The following RPS6KA2 variants were observed in gnomAD, a reference collection of about 807,000 sequenced individuals.
RPS6KA2 encodes the protein ribosomal protein S6 kinase A2.
Under a neutral mutation model 91.8 loss-of-function variants are expected in RPS6KA2, and 42 were observed. The observed-to-expected ratio is 0.46, with a 90% CI of 0.36 to 0.59. The LOEUF (loss-of-function observed/expected upper bound fraction) is 0.59. RPS6KA2 is among the 20% of genes least tolerant of loss of function. The pLI is 0.00. For synonymous variants in RPS6KA2, 414 were observed against 393.6 expected (o/e 1.05, Z -0.61); for missense variants, 798 against 978.5 (o/e 0.82, Z 2.46).
At chr6:166,679,573 C>T (rs922735244) in intron 2 of RPS6KA2, among the ~76,000 whole-genome samples, 3 of 152,188 alleles carry the variant, frequency 2.0e-5, no homozygotes, top group Admixed American at 2.0e-4. Context: ...AGAGCTTGAA[C>T]GTGAAAGTGA....
chr6:166,507,798 T>C (rs369263868), intron 5 of RPS6KA2, among the ~76,000 whole-genome samples: 2 of 145,774 alleles, frequency 1.4e-5, no homozygotes, highest in East Asian at 4.1e-4. Context: ...ACCACACACT[T>C]ATCACATGAC....
chr6:166,837,793 A>G (rs1450913979), intron 2 of RPS6KA2, among the ~76,000 whole-genome samples: 9 of 152,236 alleles, frequency 5.9e-5, no homozygotes. Flanking sequence ...GCTGGGCTTC[A>G]TTGCAAACCA....
At chr6:166,831,790 C>CATAGATAGATGATAG (rs754991836) in intron 2 of RPS6KA2, among the ~76,000 whole-genome samples, 4 of 148,550 alleles carry the variant, frequency 2.7e-5, no homozygotes, top group Non-Finnish European at 4.5e-5. Flanking sequence ...ATGATAGATA[C>CATAGATAGATGATAG]ATAGATAGAT....
In RPS6KA2 at chr6:166,641,713, C is replaced by G. The variant is rs1355714283; in HGVS notation, c.124-102929G>C. On this transcript the variant is annotated intron_variant, in intron 2 of 21. Coordinates refer to the RPS6KA2 transcript ENST00000503859. ...CCAGCCTGGGTAAAAGAGTGAGACT[C>G]TGTCACAAAAAAAAAAAAAAAAAAA... 7.1e-5 allele frequency among the ~76,000 whole-genome samples: 3 copies of G among 42,228 alleles called. No homozygotes were observed. The Admixed American group carries it at 1.3e-3, about 19-fold the overall frequency. The allele number at this position is 42,228 out of a possible 152,430, so 27.7% of individuals were successfully genotyped here.
At chr6:166,545,998 C>T (rs968893514) in intron 1 of RPS6KA2, among the ~76,000 whole-genome samples, 6 of 152,150 alleles carry the variant, frequency 3.9e-5, no homozygotes, top group South Asian at 2.1e-4. Flanking sequence ...ATCCTCCAAT[C>T]CTTAACCTCC....
chr6:166,425,921 G>A (rs1370365195), intron 16 of RPS6KA2, among the ~76,000 whole-genome samples: 1 of 152,058 alleles, frequency 6.6e-6, no homozygotes, highest in Non-Finnish European at 1.5e-5. Context: ...GGGATACCCA[G>A]GAATTGAACT....
rs1047831321 is a variant in RPS6KA2, at chr6:166,732,398, G to A, written c.123+125802C>T. 2.6e-5 allele frequency among the ~76,000 whole-genome samples: 4 copies of A among 152,216 alleles called. No individual in the cohort carries two copies. Among genetic ancestry groups the A allele is most frequent in the Non-Finnish European group, 5.9e-5 (4 of 68,042 alleles). On this transcript the variant is annotated intron_variant, in intron 2 of 21. Transcript: ENST00000503859. The surrounding 1 kb of genome is among the most constrained non-coding windows in gnomAD (Gnocchi z 4.0). Reference sequence around the variant, plus strand: ...TGATTATTGGAGGCTGTTGGAGAGAGCTGGGTCACCAAGCCGCACAGCCCA... The same window carrying A: ...TGATTATTGGAGGCTGTTGGAGAGAACTGGGTCACCAAGCCGCACAGCCCA...
At chr6:166,815,588 A>G (rs895583811) in intron 2 of RPS6KA2, among the ~76,000 whole-genome samples, 2 of 152,184 alleles carry the variant, frequency 1.3e-5, no homozygotes, top group Non-Finnish European at 2.9e-5. Context: ...TCTGATGTGC[A>G]AAGGAAAAAT....
chr6:166,755,421 T>C (rs761257585), intron 2 of RPS6KA2, among the ~76,000 whole-genome samples: 12 of 152,212 alleles, frequency 7.9e-5, no homozygotes, highest in Non-Finnish European at 1.3e-4. Context: ...GAGATGTTTC[T>C]TACAGGGCTC....
chr6:166,520,841 C>T (rs534688847), intron 3 of RPS6KA2, among the ~76,000 whole-genome samples: 6 of 152,324 alleles, frequency 3.9e-5, no homozygotes, highest in Middle Eastern at 3.4e-3. Flanking sequence ...CCACAGAAGC[C>T]GGCAGCGATT....
chr6:166,588,523 C>A (rs1274141537), intron 1 of RPS6KA2, among the ~76,000 whole-genome samples: 2 of 152,184 alleles, frequency 1.3e-5, no homozygotes, highest in East Asian at 3.9e-4. Flanking sequence ...TGGGAACTTG[C>A]AGCACGTCGC....
intron 2 of RPS6KA2, among the ~76,000 whole-genome samples, chr6:166,850,069 A>G (rs948138165): frequency 5.9e-5 from 9 of 152,184 alleles, no homozygotes; most frequent in African/African-American, 2.2e-4. Flanking sequence ...GCATTTGGCA[A>G]GTGGGATGTT....
At chr6:166,721,556 C>T (rs1790173729) in intron 2 of RPS6KA2, among the ~76,000 whole-genome samples, 1 of 152,218 alleles carries the variant, frequency 6.6e-6, no homozygotes, top group Non-Finnish European at 1.5e-5. Context: ...TCTAGTTTCA[C>T]GAACAAAATC....
intron 1 of RPS6KA2, among the ~76,000 whole-genome samples, chr6:166,599,557 C>T (rs1266732605): frequency 1.3e-5 from 2 of 152,096 alleles, no homozygotes; most frequent in Non-Finnish European, 2.9e-5. Context: ...AGGGGAAGCA[C>T]GAAGCTTCAT....
At chr6:166,747,048 C>A (rs971661772) in intron 2 of RPS6KA2, among the ~76,000 whole-genome samples, 3 of 152,196 alleles carry the variant, frequency 2.0e-5, no homozygotes, top group Admixed American at 6.5e-5. Flanking sequence ...CCGAAGCTCC[C>A]CAGCCCCAGT....
At chr6:166,669,511 C>T (rs182590831) in intron 2 of RPS6KA2, among the ~76,000 whole-genome samples, 296 of 152,270 alleles carry the variant, frequency 1.9e-3, no homozygotes, top group Non-Finnish European at 2.6e-3. Context: ...GGTCCTACTG[C>T]GTTTTCATGA....
chr6:166,653,696 G>T (rs541614024), intron 2 of RPS6KA2, among the ~76,000 whole-genome samples: 1 of 152,190 alleles, frequency 6.6e-6, no homozygotes, highest in African/African-American at 2.4e-5. Context: ...AAAAGAGAAA[G>T]GAATGCTACT....
At chr6:166,783,048 GTATTATTATTAT>G (rs71686287) in intron 2 of RPS6KA2, among the ~76,000 whole-genome samples, 45,855 of 134,346 alleles carry the variant, frequency 0.34, 8,338 homozygotes, top group South Asian at 0.45. Context: ...TATCTTTTAG[GTATTATTATTAT>G]TATTATTATT....
intron 2 of RPS6KA2, among the ~76,000 whole-genome samples, chr6:166,752,759 G>A (rs34781195): frequency 0.046 from 6,956 of 152,232 alleles, 216 homozygotes; most frequent in South Asian, 0.13. Context: ...TTATGTGGTT[G>A]TTAGCCTCTC....
Sources: allele counts gnomAD v4.1 joint callset (sites outside exome capture counted in the v4.1 genomes callset), GRCh38; gene constraint gnomAD v4.1.1; non-coding constraint Gnocchi (gnomAD v3.1); transcripts MANE v1.5; gene names NCBI Gene and HGNC (gene_info 2026-07-23, HGNC 2026-07-21).